ITFG2: variants seen among roughly 807,000 people sequenced by gnomAD.
ITFG2 encodes KICSTOR complex protein ITFG2.
ITFG2 carries 36 observed loss-of-function variants against 54.4 expected under a neutral mutation model. That is an observed-to-expected ratio of 0.66 (90% CI 0.51 to 0.87). ITFG2 has a LOEUF of 0.87. ITFG2 is among the 40% of genes least tolerant of loss of function. The pLI is 0.00. For missense variants in ITFG2, 524 were observed against 576.7 expected (o/e 0.91, Z 0.94); for synonymous variants, 211 against 225.4 (o/e 0.94, Z 0.57).
chr12:2,830,651 G>A (rs1210183397), intron 2 of ITFG2: 1 of 1,540,622 alleles, frequency 6.5e-7, no homozygotes, highest in East Asian at 2.3e-5. Context: ...AGGAGAGCAG[G>A]TGAAGTGAGT....
chr12:2,821,652 G>T (rs775655419), intron 8 of ITFG2, 40 bp from the exon 9 acceptor site: 3 of 1,613,310 alleles, frequency 1.9e-6, no homozygotes, highest in Non-Finnish European at 2.5e-6. Flanking sequence ...TCTGCTCGGG[G>T]CCTATCCCAC....
chr12:2,828,611 G>A (rs905006558), downstream of ITFG2, among the ~76,000 whole-genome samples: 4 of 152,170 alleles, frequency 2.6e-5, no homozygotes, highest in Non-Finnish European at 5.9e-5. Context: ...AGGCCGAGGC[G>A]GGTGGATCAC....
At chr12:2,846,931 A>C (rs59279986) in intron 2 of ITFG2, among the ~76,000 whole-genome samples, 3,367 of 152,256 alleles carry the variant, frequency 0.022, 118 homozygotes, top group African/African-American at 0.077. Flanking sequence ...TACCATTTTA[A>C]AGTGTACGTA....
At chr12:2,859,158 G>T in intron 3 of ITFG2, 1 of 1,607,402 alleles carries the variant, frequency 6.2e-7, no homozygotes, top group East Asian at 2.2e-5. Context: ...CACTTCCTGG[G>T]AGTAGCTGAG....
chr12:2,857,349 C>T (rs2153930192), intron 2 of ITFG2: 1 of 414,882 alleles, frequency 2.4e-6, no homozygotes, highest in South Asian at 2.6e-5. Flanking sequence ...TAACTGGGCC[C>T]TTCCTGCCCT....
At chr12:2,834,579 C>T, upstream of ITFG2, 1 of 1,518,224 alleles carries the variant, frequency 6.6e-7, no homozygotes, top group Non-Finnish European at 8.8e-7. Context: ...GCCTCCTGCT[C>T]AGGATCTGGG....
chr12:2,858,591 G>T, intron 3 of ITFG2: 2 of 1,549,598 alleles, frequency 1.3e-6, no homozygotes, highest in Non-Finnish European at 1.8e-6. Flanking sequence ...GAGCCTTGGA[G>T]TGCCCGGGAT....
intron 3 of ITFG2, chr12:2,858,396 C>T: frequency 2.0e-6 from 1 of 493,896 alleles, no homozygotes; most frequent in Non-Finnish European, 3.6e-6. Flanking sequence ...TTCACCATTG[C>T]CTTTGTTGTT....
intron 2 of ITFG2, chr12:2,855,011 T>C (rs1226157362): frequency 7.9e-5 from 122 of 1,536,110 alleles, no homozygotes; most frequent in Non-Finnish European, 1.0e-4. Context: ...GTCCTGAAAA[T>C]CACCTGCTTC....
intron 2 of ITFG2, among the ~76,000 whole-genome samples, chr12:2,844,743 G>T (rs1256072715): frequency 2.0e-5 from 3 of 151,840 alleles, no homozygotes; most frequent in Non-Finnish European, 4.4e-5. Context: ...CCTGCACTTG[G>T]CACCCTTGGA....
downstream of ITFG2, chr12:2,826,852 G>T: frequency 2.4e-6 from 1 of 415,914 alleles, no homozygotes; most frequent in Non-Finnish European, 3.7e-6. Flanking sequence ...GGTATTGGGT[G>T]ATGGACAAGG....
At position 2,822,902 on chromosome 12, in the gene ITFG2, T is replaced by C. The variant is rs2097950348; in HGVS notation, c.1057T>C (p.Phe353Leu). Residue 353 changes from phenylalanine to leucine, a missense_variant, in exon 10 of 12, where the codon TTC becomes CTC. Physicochemically the swap from Phe to Leu is conservative, Grantham distance 22. Transcript: ENST00000228799. The stretch of plus-strand genomic sequence containing the variant: ...CCAAGTGGATGAAAATATCCGTGCC[T>C]TCTGTGCAGGTGACCCCCGCCCCCA... ...RFQVDENIRA[F>L]CAGLYACKEG... 6.2e-7 allele frequency: 1 copy of C among 1,613,954 alleles called. No homozygotes were observed. Among genetic ancestry groups the C allele is most frequent in the Non-Finnish European group, 8.5e-7 (1 of 1,179,822 alleles).
At chr12:2,858,992 G>C in intron 3 of ITFG2, 1 of 1,613,364 alleles carries the variant, frequency 6.2e-7, no homozygotes, top group Non-Finnish European at 8.5e-7. Context: ...AGGGGTCAGA[G>C]GCACCCTGGG....
At chr12:2,856,751 C>T (rs1312554649) in intron 2 of ITFG2, among the ~76,000 whole-genome samples, 2 of 152,216 alleles carry the variant, frequency 1.3e-5, no homozygotes, top group Admixed American at 6.5e-5. Flanking sequence ...GTGGGTGGGG[C>T]TGGGAGATGT....
chr12:2,821,273 C>G lies in ITFG2; in HGVS notation c.707C>G (p.Ala236Gly), dbSNP rs2153924613. 2 of 1,607,226 alleles carry G rather than the reference C, an allele frequency of 1.2e-6. No individual in the cohort carries two copies. Among genetic ancestry groups the G allele is most frequent in the East Asian group, 4.5e-5 (2 of 44,718 alleles). The change falls in exon 7 of 12, where the codon GCT becomes GGT. Residue 236 changes from alanine to glycine, a missense_variant. Ala to Gly is a moderately conservative substitution (Grantham distance 60). Coordinates refer to ENST00000228799, the MANE Select transcript of ITFG2 (RefSeq NM_018463.4). ...GPTDGSRETP[A>G]ARDVVLHQTS... Reference sequence around the variant, plus strand: ...CCTGCTGTGCACAGGGAGACCCCAGCTGCCCGAGACGTGGTGCTGCACCAG... The same window carrying G: ...CCTGCTGTGCACAGGGAGACCCCAGGTGCCCGAGACGTGGTGCTGCACCAG...
chr12:2,859,736 C>T (rs898826602), exon 4 of ITFG2: 4 of 1,116,440 alleles, frequency 3.6e-6, no homozygotes, highest in Non-Finnish European at 3.8e-6. Context: ...CATACGGGTT[C>T]TGATCCTCTT....
chr12:2,835,042 C>T, upstream of ITFG2: 2 of 1,465,624 alleles, frequency 1.4e-6, no homozygotes, highest in Non-Finnish European at 1.8e-6. Flanking sequence ...GAGTGAGACT[C>T]CGGCTGGAAA....
chr12:2,814,452 T>C (rs566811683), intron 1 of ITFG2, among the ~76,000 whole-genome samples: 1 of 152,300 alleles, frequency 6.6e-6, no homozygotes, highest in African/African-American at 2.4e-5. Context: ...TCACCTGAGT[T>C]GTAAGCTCCA....
In ITFG2 at chr12:2,854,848, C is replaced by A; in HGVS notation, n.301-3164C>A. 2.0e-6 allele frequency: 3 copies of A among 1,485,836 alleles called. No individual in the cohort carries two copies. In the South Asian group the frequency reaches 4.0e-5, roughly 20 times the overall value. 92.0% of individuals were successfully genotyped at this position (1,485,836 alleles called of 1,614,324 possible). A position where few individuals can be genotyped will look rare whatever the true frequency, so the allele number is the denominator to read the frequency against. ...AGGAACCTGAGAGAGGGAGGGGTCA[C>A]CTGGGCAGGGCAGGCTGGGTGGGCT... On this transcript the variant is annotated intron_variant and non_coding_transcript_variant, in intron 2 of 3. Transcript: ENST00000537710.
Sources: allele counts gnomAD v4.1 joint callset (sites outside exome capture counted in the v4.1 genomes callset), GRCh38; gene constraint gnomAD v4.1.1; transcripts MANE v1.5; gene names NCBI Gene and HGNC (gene_info 2026-07-23, HGNC 2026-07-21).